The following ADORA2B variants were observed in gnomAD, a reference collection of about 807,000 sequenced individuals.
ADORA2B encodes adenosine A2b receptor.
Under a neutral mutation model 20.8 loss-of-function variants are expected in ADORA2B, and 18 were observed. That is an observed-to-expected ratio of 0.87 (90% CI 0.60 to 1.29). The LOEUF is 1.29. ADORA2B is among the 50% of genes most tolerant of loss of function. The pLI is 0.00. For missense variants in ADORA2B, 441 were observed against 422.7 expected (o/e 1.04, Z -0.38); for synonymous variants, 179 against 178.3 (o/e 1.00, Z -0.03).
At chr17:15,927,880 G>C in the ADORA2B span, among the ~76,000 whole-genome samples, 1 of 152,310 alleles carries the variant, frequency 6.6e-6, no homozygotes, top group Non-Finnish European at 1.5e-5. Context: ...GAGAAGGTGA[G>C]TAGACAGGGA....
the ADORA2B span, among the ~76,000 whole-genome samples, chr17:15,922,518 C>G: frequency 2.6e-5 from 4 of 152,216 alleles, no homozygotes; most frequent in South Asian, 8.3e-4. Context: ...GGGACATTTT[C>G]AAGAGTGAAC....
intron 1 of ADORA2B, among the ~76,000 whole-genome samples, chr17:15,962,133 T>C (rs537743520): frequency 6.6e-6 from 1 of 152,250 alleles, no homozygotes; most frequent in South Asian, 2.1e-4. Context: ...TGAAACCCCA[T>C]CTCTACTAAA....
the ADORA2B span, among the ~76,000 whole-genome samples, chr17:15,927,601 T>G: frequency 1.9e-4 from 29 of 152,240 alleles, no homozygotes; most frequent in South Asian, 3.1e-3. Flanking sequence ...GAGCCAAGAT[T>G]GCACCACTGC....
the ADORA2B span, among the ~76,000 whole-genome samples, chr17:15,926,702 T>C: frequency 6.6e-6 from 1 of 152,172 alleles, no homozygotes; most frequent in Non-Finnish European, 1.5e-5. Context: ...CAGGACCTAA[T>C]TAACATTTCT....
chr17:15,957,803 CA>C (rs1259452979), intron 1 of ADORA2B, among the ~76,000 whole-genome samples: 1 of 152,170 alleles, frequency 6.6e-6, no homozygotes, highest in Non-Finnish European at 1.5e-5. Context: ...CGTCTCCGCC[CA>C]ACCTTCTTTG....
At chr17:15,862,806 CTTT>C in the ADORA2B span, among the ~76,000 whole-genome samples, 87 of 137,906 alleles carry the variant, frequency 6.3e-4, no homozygotes, top group Non-Finnish European at 8.1e-4. Context: ...GGAGTAATAG[CTTT>C]TTTTTTTTTT....
chr17:15,921,647 T>C, the ADORA2B span, among the ~76,000 whole-genome samples: 1 of 152,150 alleles, frequency 6.6e-6, no homozygotes, highest in East Asian at 1.9e-4. Flanking sequence ...TAGAATTAGG[T>C]TAAGTGGCAA....
chr17:15,852,965 T>C, the ADORA2B span, among the ~76,000 whole-genome samples: 9 of 141,882 alleles, frequency 6.3e-5, no homozygotes, highest in Non-Finnish European at 1.4e-4. Context: ...GAAGAGATAA[T>C]GGCCAAGAAT....
chr17:15,954,401 C>T (rs1597423613), intron 1 of ADORA2B, among the ~76,000 whole-genome samples: 1 of 152,220 alleles, frequency 6.6e-6, no homozygotes, highest in Admixed American at 6.5e-5. Context: ...TGCCTTCCCA[C>T]ATCCTCGTGA....
chr17:15,870,769 A>T, the ADORA2B span, among the ~76,000 whole-genome samples: 2 of 152,182 alleles, frequency 1.3e-5, no homozygotes, highest in Admixed American at 6.5e-5. Flanking sequence ...GTCTTTTTTG[A>T]GAGAGGTCTC....
At chr17:15,913,834 T>C in the ADORA2B span, among the ~76,000 whole-genome samples, 2 of 152,184 alleles carry the variant, frequency 1.3e-5, no homozygotes, top group Non-Finnish European at 2.9e-5. Context: ...TACCCTCATA[T>C]CAGAAAAATA....
chr17:15,920,738 AT>A, the ADORA2B span, among the ~76,000 whole-genome samples: 24 of 150,664 alleles, frequency 1.6e-4, no homozygotes, highest in Non-Finnish European at 2.4e-4. Flanking sequence ...AAAAAAAAAA[AT>A]GTTGACTTTC....
chr17:15,941,366 G>T (rs1969743472), upstream of ADORA2B, among the ~76,000 whole-genome samples: 1 of 152,204 alleles, frequency 6.6e-6, no homozygotes, highest in Non-Finnish European at 1.5e-5. Context: ...CAACAGCAGA[G>T]CTGGGAATCA....
In ADORA2B at chr17:15,965,690, G is replaced by A. The variant is rs993507665; in HGVS notation, c.336-8989G>A. ...GAAAAAGCCCTCTGACTGCTCTGCCGCAGGAGCCCCTGTGGGCTCCTGGGA... is the reference window on the plus strand; with the variant it reads ...GAAAAAGCCCTCTGACTGCTCTGCCACAGGAGCCCCTGTGGGCTCCTGGGA... On this transcript the variant is annotated intron_variant, in intron 1 of 1. Transcript: ENST00000304222. Among the ~76,000 whole-genome samples the A allele has an allele frequency of 3.3e-5, 5 of 152,250 alleles. No individual in the cohort carries two copies. The South Asian group carries it at 8.3e-4, about 25-fold the overall frequency.
At chr17:15,957,284 G>A (rs988676284) in intron 1 of ADORA2B, among the ~76,000 whole-genome samples, 6 of 152,206 alleles carry the variant, frequency 3.9e-5, no homozygotes, top group African/African-American at 1.2e-4. Flanking sequence ...AACCACAGAT[G>A]GGCCCTGGAG....
chr17:15,871,112 T>C, the ADORA2B span, among the ~76,000 whole-genome samples: 6,242 of 152,308 alleles, frequency 0.041, 296 homozygotes, highest in African/African-American at 0.11. Context: ...CATGAGCCAG[T>C]GTGCTTTGGG....
the ADORA2B span, among the ~76,000 whole-genome samples, chr17:15,867,851 A>G: frequency 6.6e-6 from 1 of 151,626 alleles, no homozygotes; most frequent in Non-Finnish European, 1.5e-5. Flanking sequence ...CTGCCCGGCC[A>G]CCACCCTGTC....
At chr17:15,890,687 C>G in the ADORA2B span, among the ~76,000 whole-genome samples, 2 of 152,158 alleles carry the variant, frequency 1.3e-5, no homozygotes, top group African/African-American at 4.8e-5. Context: ...GCCAGCTCAC[C>G]AGTTCTCTGT....
the ADORA2B span, among the ~76,000 whole-genome samples, chr17:15,927,802 T>C: frequency 6.6e-6 from 1 of 152,218 alleles, no homozygotes; most frequent in Non-Finnish European, 1.5e-5. Context: ...CCTCAGTGCC[T>C]GCTGCTGCTG....
Sources: gnomAD v4.1 joint callset for allele counts (sites outside exome capture counted in the v4.1 genomes callset) on GRCh38, gnomAD v4.1.1 for gene constraint, MANE v1.5 for transcripts, NCBI Gene and HGNC (gene_info 2026-07-23, HGNC 2026-07-21) for gene names.